TWSG1: variants seen among roughly 807,000 people sequenced by gnomAD.
TWSG1 encodes the protein twisted gastrulation BMP signaling modulator 1, also known as twisted gastrulation protein homolog 1.
In TWSG1, 15 loss-of-function variants were observed where a neutral mutation model predicts 23.0. The ratio of observed to expected loss-of-function variants is 0.65; its 90% confidence interval spans 0.44 to 1.00. The LOEUF is 1.00. TWSG1 is among the 50% of genes least tolerant of loss of function. The probability of loss-of-function intolerance (pLI) is 0.00; values close to 1 mark genes in which losing one functional copy is unlikely to be tolerated. For synonymous variants in TWSG1, 86 were observed against 92.8 expected (o/e 0.93, Z 0.42); for missense variants, 242 against 278.7 (o/e 0.87, Z 0.94).
intron 4 of TWSG1, among the ~76,000 whole-genome samples, chr18:9,397,961 G>A (rs376289071): frequency 3.0e-5 from 4 of 135,018 alleles, no homozygotes; most frequent in South Asian, 2.3e-4. Context: ...CCGAGATCGC[G>A]CCATTGCACT....
In TWSG1 at chr18:9,354,676, C is replaced by T. The variant is rs536652684; in HGVS notation, c.124-5296C>T. ...TTTGGCACATTGATGTACTATTATG[C>T]GCTGATTAAATTATGTTGACAGATT... is the stretch of plus-strand genomic sequence containing the variant. On this transcript the variant is annotated intron_variant, in intron 2 of 4. Transcript: ENST00000262120. Among the ~76,000 whole-genome samples the T allele has an allele frequency of 2.8e-4, 43 of 152,168 alleles. 1 individual carries two copies. Among genetic ancestry groups the T allele is most frequent in the Middle Eastern group, 3.4e-3 (1 of 294 alleles).
At chr18:9,395,908 A>G (rs996648855) in intron 3 of TWSG1, among the ~76,000 whole-genome samples, 4 of 152,126 alleles carry the variant, frequency 2.6e-5, no homozygotes, top group African/African-American at 9.7e-5. Context: ...AGCCAGTAGG[A>G]GCCCCTTCAG....
At chr18:9,376,758 A>AGGTGGAGGTTGCAGG (rs2040632051) in intron 3 of TWSG1, among the ~76,000 whole-genome samples, 1 of 150,998 alleles carries the variant, frequency 6.6e-6, no homozygotes, top group Non-Finnish European at 1.5e-5. Flanking sequence ...CTTGAGCCTA[A>AGGTGGAGGTTGCAGG]GAGGTGGAGG....
intron 2 of TWSG1, among the ~76,000 whole-genome samples, chr18:9,345,217 A>G (rs1356355223): frequency 6.6e-6 from 1 of 152,220 alleles, no homozygotes; most frequent in Non-Finnish European, 1.5e-5. Context: ...TATCATTTGT[A>G]TCACAAAAGT....
intron 2 of TWSG1, among the ~76,000 whole-genome samples, chr18:9,341,125 A>T (rs1023985153): frequency 3.9e-5 from 6 of 151,944 alleles, no homozygotes; most frequent in Non-Finnish European, 5.9e-5. Flanking sequence ...GTCCACCTGG[A>T]TTTAAGTGGA....
intron 2 of TWSG1, among the ~76,000 whole-genome samples, chr18:9,339,073 T>C (rs1568029960): frequency 2.0e-5 from 3 of 152,018 alleles, no homozygotes; most frequent in Non-Finnish European, 2.9e-5. Flanking sequence ...GGCATGATCA[T>C]GTACACCTGT....
Position 9,361,143 on chromosome 18 carries a change from G to A in TWSG1, c.223+1072G>A, listed in dbSNP as rs182073213. Among the ~76,000 whole-genome samples, 573 of 152,000 alleles carry A rather than the reference G, an allele frequency of 3.8e-3. 1 individual carries two copies. The highest frequency in any genetic ancestry group is 0.013 in the African/African-American group (534 of 41,452). On this transcript the variant is annotated intron_variant, in intron 3 of 4. Transcript: ENST00000262120. ...CCATTATCTGTCTTTCTGTATTTTG[G>A]GTGTATGGTGTACTTCTTGAGAGAT...
intron 3 of TWSG1, among the ~76,000 whole-genome samples, chr18:9,389,945 ATAGTG>A (rs1458243716): frequency 6.6e-6 from 1 of 152,252 alleles, no homozygotes; most frequent in Non-Finnish European, 1.5e-5. Context: ...ATTTTACACT[ATAGTG>A]TAGTTTATTA....
chr18:9,339,865 A>G (rs1598819021), intron 2 of TWSG1, among the ~76,000 whole-genome samples: 1 of 152,260 alleles, frequency 6.6e-6, no homozygotes, highest in East Asian at 1.9e-4. Context: ...ATCAGTGTAA[A>G]AAAACTGGAA....
intron 1 of TWSG1, among the ~76,000 whole-genome samples, chr18:9,336,401 A>C (rs1002434888): frequency 6.6e-6 from 1 of 152,092 alleles, no homozygotes; most frequent in African/African-American, 2.4e-5. Context: ...AAAAGAAAAA[A>C]AAAAAAAAGA....
At chr18:9,337,466 T>A (rs2145588344) in intron 2 of TWSG1, 114 bp downstream of exon 2, 2 of 1,171,770 alleles carry the variant, frequency 1.7e-6, no homozygotes, top group African/African-American at 3.1e-5. Context: ...GAGTATTGGG[T>A]CAGGGCCTGA....
intron 3 of TWSG1, among the ~76,000 whole-genome samples, chr18:9,366,901 A>C (rs1242181734): frequency 6.6e-6 from 1 of 151,986 alleles, no homozygotes; most frequent in East Asian, 1.9e-4. Context: ...ACATTACCTC[A>C]CCTTTTCTGT....
At chr18:9,335,856 A>G (rs995446942) in intron 1 of TWSG1, among the ~76,000 whole-genome samples, 1 of 152,226 alleles carries the variant, frequency 6.6e-6, no homozygotes, top group Non-Finnish European at 1.5e-5. Flanking sequence ...GAGTAATCAT[A>G]AATGCCCCCA....
intron 3 of TWSG1, among the ~76,000 whole-genome samples, chr18:9,393,707 A>C (rs983868418): frequency 6.6e-6 from 1 of 152,108 alleles, no homozygotes; most frequent in Non-Finnish European, 1.5e-5. Flanking sequence ...ACAAGCACGC[A>C]TCATCATGCT....
intron 2 of TWSG1, among the ~76,000 whole-genome samples, chr18:9,343,210 TTATATATATATATATATATATA>T (rs6146209): frequency 8.4e-4 from 111 of 132,124 alleles, no homozygotes; most frequent in African/African-American, 2.6e-3. Context: ...TTGTTTTTTG[TTATATATATATATATATATATA>T]TATATATATA....
At chr18:9,364,569 G>A (rs1379060491) in intron 3 of TWSG1, among the ~76,000 whole-genome samples, 2 of 151,926 alleles carry the variant, frequency 1.3e-5, no homozygotes, top group South Asian at 2.1e-4. Flanking sequence ...AAGAGGGGGC[G>A]AATCACCTTA....
intron 3 of TWSG1, among the ~76,000 whole-genome samples, chr18:9,361,504 T>G (rs1308518420): frequency 6.6e-6 from 1 of 152,188 alleles, no homozygotes. Flanking sequence ...AAAAGGTGGT[T>G]GGAGGATGAA....
chr18:9,357,905 G>T (rs913946897), intron 2 of TWSG1, among the ~76,000 whole-genome samples: 2 of 152,098 alleles, frequency 1.3e-5, no homozygotes, highest in African/African-American at 4.8e-5. Flanking sequence ...AAAGCTAATG[G>T]CAGGGTTAAC....
chr18:9,360,580 T>C (rs1305954855), intron 3 of TWSG1, among the ~76,000 whole-genome samples: 1 of 152,190 alleles, frequency 6.6e-6, no homozygotes, highest in Non-Finnish European at 1.5e-5. Context: ...AGTATCCCCT[T>C]TCCTTGGAAA....
Sources: gnomAD v4.1 joint callset for allele counts (sites outside exome capture counted in the v4.1 genomes callset) on GRCh38, gnomAD v4.1.1 for gene constraint, MANE v1.5 for transcripts, NCBI Gene and HGNC (gene_info 2026-07-23, HGNC 2026-07-21) for gene names.